ARHGAP12: variants seen among roughly 807,000 people sequenced by gnomAD.
The protein encoded by ARHGAP12 is Rho GTPase activating protein 12.
ARHGAP12 carries 64 observed loss-of-function variants against 108.6 expected under a neutral mutation model. The observed-to-expected ratio is 0.59, with a 90% confidence interval of 0.48 to 0.73. The LOEUF is 0.73. Ranked by LOEUF, ARHGAP12 falls within the 30% of genes least tolerant of loss-of-function variation. The pLI is 0.00. For missense variants in ARHGAP12, 940 were observed against 1,005.9 expected (o/e 0.93, Z 0.89); for synonymous variants, 312 against 337.2 (o/e 0.93, Z 0.82).
At chr10:31,906,819 A>G (rs924702280) in intron 3 of ARHGAP12, among the ~76,000 whole-genome samples, 3 of 152,172 alleles carry the variant, frequency 2.0e-5, no homozygotes, top group Non-Finnish European at 4.4e-5. Context: ...GAAGTGTGAA[A>G]TTGTGGTGAT....
chr10:31,916,564 T>C (rs1839565979), intron 1 of ARHGAP12, among the ~76,000 whole-genome samples: 1 of 152,216 alleles, frequency 6.6e-6, no homozygotes, highest in African/African-American at 2.4e-5. Context: ...AACCAATCTG[T>C]TTAAGAGGTA....
intron 3 of ARHGAP12, among the ~76,000 whole-genome samples, chr10:31,869,311 A>G (rs1033340742): frequency 3.9e-5 from 6 of 152,160 alleles, no homozygotes; most frequent in Non-Finnish European, 8.8e-5. Flanking sequence ...CTGAAGCAGG[A>G]GGATCACCTG....
At chr10:31,905,782 C>T (rs1338090162) in intron 3 of ARHGAP12, among the ~76,000 whole-genome samples, 1 of 151,484 alleles carries the variant, frequency 6.6e-6, no homozygotes, top group Non-Finnish European at 1.5e-5. Context: ...GAAACACTTG[C>T]ATTGTACTGG....
intron 3 of ARHGAP12, among the ~76,000 whole-genome samples, chr10:31,875,927 C>T (rs576314722): frequency 6.6e-6 from 1 of 152,198 alleles, no homozygotes; most frequent in Admixed American, 6.5e-5. Context: ...TGGAATTATA[C>T]AGTATTTGTC....
chr10:31,869,341 A>G (rs913040608), intron 3 of ARHGAP12, among the ~76,000 whole-genome samples: 1 of 152,216 alleles, frequency 6.6e-6, no homozygotes, highest in African/African-American at 2.4e-5. Flanking sequence ...ATTCAAGAGT[A>G]GCCTGGCCAA....
At chr10:31,840,582 T>C (rs1255061477) in intron 7 of ARHGAP12, among the ~76,000 whole-genome samples, 16 of 152,120 alleles carry the variant, frequency 1.1e-4, no homozygotes, top group Admixed American at 1.0e-3. Flanking sequence ...TTTGTTTCTA[T>C]CAAACCAAAA....
intron 4 of ARHGAP12, among the ~76,000 whole-genome samples, chr10:31,860,132 A>T (rs1430601282): frequency 1.3e-5 from 2 of 152,172 alleles, no homozygotes; most frequent in African/African-American, 4.8e-5. Flanking sequence ...CTCTCACTTG[A>T]ACACTAAAAA....
chr10:31,895,664 T>C (rs1334791429), intron 3 of ARHGAP12, among the ~76,000 whole-genome samples: 1 of 152,154 alleles, frequency 6.6e-6, no homozygotes, highest in African/African-American at 2.4e-5. Context: ...GTTCAACCAT[T>C]GTGGAAGGCA....
chr10:31,894,830 G>A (rs376303425), intron 3 of ARHGAP12, among the ~76,000 whole-genome samples: 1 of 152,098 alleles, frequency 6.6e-6, no homozygotes, highest in African/African-American at 2.4e-5. Flanking sequence ...GAGGCATCAC[G>A]CTACCTGACT....
rs552950180 is a variant in ARHGAP12 at position 31,846,400 on chromosome 10, G to T, written c.1171-2814C>A. 4.6e-5 allele frequency among the ~76,000 whole-genome samples: 7 copies of T among 152,268 alleles called. No individual in the cohort carries two copies. The East Asian group carries it at 1.4e-3, about 29-fold the overall frequency. On this transcript the variant is annotated intron_variant, in intron 6 of 19. Coordinates refer to ENST00000344936, the MANE Select transcript of ARHGAP12 (RefSeq NM_018287.7). ...TCCTACAGCAACTCTTTGAAAGCAA[G>T]ACTGCTAGGGATAAATCTCTTAGTT...
intron 3 of ARHGAP12, among the ~76,000 whole-genome samples, chr10:31,888,984 A>G (rs555101326): frequency 6.6e-6 from 1 of 152,028 alleles, no homozygotes; most frequent in African/African-American, 2.4e-5. Context: ...ATCTTGGCTC[A>G]CTGCAACCTC....
chr10:31,921,657 G>C (rs1371269517), intron 1 of ARHGAP12, among the ~76,000 whole-genome samples: 2 of 151,582 alleles, frequency 1.3e-5, no homozygotes, highest in East Asian at 1.9e-4. Flanking sequence ...CCAGCTACTG[G>C]GGAGGCTGAG....
At chr10:31,921,763 CAAAAAA>C (rs57420280) in intron 1 of ARHGAP12, among the ~76,000 whole-genome samples, 6 of 37,930 alleles carry the variant, frequency 1.6e-4, no homozygotes, top group East Asian at 2.1e-3. Context: ...GGCTCCATCT[CAAAAAA>C]AAAAAAAAAA....
intron 3 of ARHGAP12, among the ~76,000 whole-genome samples, chr10:31,888,921 T>C (rs1352574367): frequency 6.6e-6 from 1 of 151,874 alleles, no homozygotes; most frequent in African/African-American, 2.4e-5. Context: ...AGGACTTTTT[T>C]TTTTTGGAGA....
At chr10:31,819,699 C>T (rs1388176625) in intron 12 of ARHGAP12, among the ~76,000 whole-genome samples, 1 of 152,172 alleles carries the variant, frequency 6.6e-6, no homozygotes, top group Non-Finnish European at 1.5e-5. Context: ...TAGCCAACAG[C>T]TGGCACCAAT....
chr10:31,883,752 C>T (rs928073818), intron 3 of ARHGAP12, among the ~76,000 whole-genome samples: 3 of 150,580 alleles, frequency 2.0e-5, no homozygotes, highest in African/African-American at 7.4e-5. Flanking sequence ...TGCTCTGTCA[C>T]CCAGGCTGGA....
intron 1 of ARHGAP12, among the ~76,000 whole-genome samples, chr10:31,911,526 T>C (rs1362112533): frequency 3.3e-5 from 5 of 152,034 alleles, no homozygotes; most frequent in Admixed American, 6.6e-5. Flanking sequence ...GTTGCCCAGG[T>C]TGGTCTTAAA....
intron 11 of ARHGAP12, among the ~76,000 whole-genome samples, chr10:31,824,797 C>T (rs1460557589): frequency 1.3e-5 from 2 of 152,056 alleles, no homozygotes; most frequent in African/African-American, 4.8e-5. Context: ...AAATAAGTGA[C>T]CACTATCCAG....
At chr10:31,912,985 T>C (rs1050627449) in intron 1 of ARHGAP12, among the ~76,000 whole-genome samples, 1 of 152,256 alleles carries the variant, frequency 6.6e-6, no homozygotes, top group African/African-American at 2.4e-5. Flanking sequence ...CTCTTCATTC[T>C]GTTGACTGTT....
Sources: allele counts gnomAD v4.1 joint callset (sites outside exome capture counted in the v4.1 genomes callset), GRCh38; gene constraint gnomAD v4.1.1; transcripts MANE v1.5; gene names NCBI Gene and HGNC (gene_info 2026-07-23, HGNC 2026-07-21).